The following ARHGAP25 variants were observed in gnomAD, a reference collection of about 807,000 sequenced individuals.
The protein encoded by ARHGAP25 is Rho GTPase activating protein 25, also known as rho GTPase-activating protein 25.
In ARHGAP25, 34 loss-of-function variants were observed where a neutral mutation model predicts 71.0. The ratio of observed to expected loss-of-function variants is 0.48; its 90% CI spans 0.36 to 0.64. ARHGAP25 has a LOEUF of 0.64. ARHGAP25 is among the 30% of genes least tolerant of loss of function. The probability of loss-of-function intolerance (pLI) is 0.00; values close to 1 mark genes in which losing one functional copy is unlikely to be tolerated. For synonymous variants in ARHGAP25, 282 were observed against 296.5 expected (o/e 0.95, Z 0.50); for missense variants, 706 against 805.1 (o/e 0.88, Z 1.49).
At chr2:68,785,284 C>A (rs1678666211) in intron 3 of ARHGAP25, among the ~76,000 whole-genome samples, 2 of 152,028 alleles carry the variant, frequency 1.3e-5, no homozygotes, top group Non-Finnish European at 2.9e-5. Context: ...GAATTGAAAA[C>A]AAAAGTAAGT....
intron 6 of ARHGAP25, among the ~76,000 whole-genome samples, chr2:68,813,643 T>C (rs1258040539): frequency 6.6e-6 from 1 of 152,114 alleles, no homozygotes; most frequent in Non-Finnish European, 1.5e-5. Flanking sequence ...CATAATCAAA[T>C]ACTGCTAGAT....
chr2:68,813,831 G>A (rs1374943646), intron 6 of ARHGAP25, among the ~76,000 whole-genome samples: 1 of 152,176 alleles, frequency 6.6e-6, no homozygotes, highest in Non-Finnish European at 1.5e-5. Flanking sequence ...GCATGTGCCA[G>A]GGAGAAGAAG....
chr2:68,745,014 T>C (rs548079574), intron 1 of ARHGAP25, among the ~76,000 whole-genome samples: 1 of 152,336 alleles, frequency 6.6e-6, no homozygotes, highest in East Asian at 1.9e-4. Flanking sequence ...AAAAGGACAC[T>C]TGACTTAACT....
At chr2:68,712,919 G>A (rs1674521649) in intron 2 of ARHGAP25, among the ~76,000 whole-genome samples, 1 of 152,142 alleles carries the variant, frequency 6.6e-6, no homozygotes, top group Non-Finnish European at 1.5e-5. Context: ...TAGCCTTGTA[G>A]TATAGTTTGA....
chr2:68,717,239 ATTATC>A (rs922928991), intron 2 of ARHGAP25, among the ~76,000 whole-genome samples: 3 of 152,336 alleles, frequency 2.0e-5, no homozygotes, highest in African/African-American at 7.2e-5. Context: ...ATACAATATT[ATTATC>A]TTATGAAACC....
intron 1 of ARHGAP25, among the ~76,000 whole-genome samples, chr2:68,765,593 C>T (rs2104352374): frequency 6.6e-6 from 1 of 152,276 alleles, no homozygotes; most frequent in Non-Finnish European, 1.5e-5. Context: ...ATCCCAGACA[C>T]ATTTTCCCCA....
intron 2 of ARHGAP25, among the ~76,000 whole-genome samples, chr2:68,724,578 A>C (rs1449260933): frequency 6.6e-6 from 1 of 152,192 alleles, no homozygotes; most frequent in Non-Finnish European, 1.5e-5. Flanking sequence ...AAGGTTGAGG[A>C]AAGAAGCCTT....
At chr2:68,730,383 G>A (rs1175711562), upstream of ARHGAP25, among the ~76,000 whole-genome samples, 3 of 152,170 alleles carry the variant, frequency 2.0e-5, no homozygotes, top group Non-Finnish European at 4.4e-5. Flanking sequence ...AGTGGCTTAT[G>A]TCTGTAATCT....
At chr2:68,729,952 G>A (rs1285042117), upstream of ARHGAP25, among the ~76,000 whole-genome samples, 1 of 152,220 alleles carries the variant, frequency 6.6e-6, no homozygotes, top group Admixed American at 6.5e-5. Context: ...AGAATATTAT[G>A]AAAATTTATG....
intron 1 of ARHGAP25, among the ~76,000 whole-genome samples, chr2:68,749,441 A>G (rs562458355): frequency 5.3e-5 from 8 of 152,104 alleles, no homozygotes; most frequent in Non-Finnish European, 8.8e-5. Flanking sequence ...TCTCACATTC[A>G]TCCACTTCTC....
chr2:68,818,025 C>T (rs773743225), intron 8 of ARHGAP25, 31 bp downstream of exon 8: 3 of 1,612,876 alleles, frequency 1.9e-6, no homozygotes, highest in Admixed American at 1.7e-5. Context: ...AAAGCAGGTA[C>T]CCAGGAAATA....
upstream of ARHGAP25, among the ~76,000 whole-genome samples, chr2:68,732,972 G>C (rs1216603258): frequency 6.6e-6 from 1 of 152,164 alleles, no homozygotes; most frequent in Non-Finnish European, 1.5e-5. Context: ...AGGGGGTCTG[G>C]GCTGGAAATA....
chr2:68,719,570 C>T (rs1222355543), intron 2 of ARHGAP25, among the ~76,000 whole-genome samples: 1 of 151,104 alleles, frequency 6.6e-6, no homozygotes, highest in Non-Finnish European at 1.5e-5. Flanking sequence ...TGTAAAGGAA[C>T]ACATTCTCAT....
Position 68,753,465 on chromosome 2 carries a change from G to A in ARHGAP25, c.61+18205G>A, listed in dbSNP as rs558718221. Among the ~76,000 whole-genome samples the A allele has an allele frequency of 3.3e-5, 5 of 152,270 alleles. No individual in the cohort carries two copies. The South Asian group carries it at 1.0e-3, about 32-fold the overall frequency. On this transcript the variant is annotated intron_variant, in intron 1 of 10. Transcript: ENST00000409202. ...TGGCTACATTTTCTTATTTGTTTGG[G>A]TCATCAAAATAAATAATGTGGGTGG... is the stretch of plus-strand genomic sequence containing the variant.
chr2:68,791,181 G>A (rs1256631753), intron 4 of ARHGAP25, among the ~76,000 whole-genome samples: 2 of 152,082 alleles, frequency 1.3e-5, no homozygotes, highest in South Asian at 2.1e-4. Flanking sequence ...TTGCTCCTTG[G>A]CACATAACCT....
intron 4 of ARHGAP25, 74 bp from the exon 5 acceptor site, chr2:68,807,199 A>G (rs549997771): frequency 1.4e-6 from 2 of 1,468,010 alleles, no homozygotes; most frequent in Admixed American, 1.8e-5. Flanking sequence ...GACACAGGTG[A>G]CACAGAAAGT....
intron 1 of ARHGAP25, among the ~76,000 whole-genome samples, chr2:68,752,419 G>C (rs1156925955): frequency 1.3e-5 from 2 of 152,146 alleles, no homozygotes; most frequent in African/African-American, 2.4e-5. Context: ...TTATTTGATA[G>C]TAGGTCTCCA....
At chr2:68,811,874 A>C (rs1680852478) in intron 5 of ARHGAP25, among the ~76,000 whole-genome samples, 2 of 152,138 alleles carry the variant, frequency 1.3e-5, no homozygotes, top group Non-Finnish European at 1.5e-5. Context: ...AATCAAGGAG[A>C]TTCCAAGGTT....
At chr2:68,758,781 C>A (rs7583969) in intron 1 of ARHGAP25, among the ~76,000 whole-genome samples, 91,446 of 151,630 alleles carry the variant, frequency 0.6, 28,139 homozygotes, top group South Asian at 0.67. Flanking sequence ...ATACAGAACA[C>A]TCTATCCAAC....
Sources: allele counts gnomAD v4.1 joint callset (sites outside exome capture counted in the v4.1 genomes callset), GRCh38; gene constraint gnomAD v4.1.1; transcripts MANE v1.5; gene names NCBI Gene and HGNC (gene_info 2026-07-23, HGNC 2026-07-21).